Variants in TIAM1 observed in about 807,000 individuals in gnomAD.
TIAM1 encodes TIAM Rac1 associated GEF 1.
TIAM1 carries 65 observed loss-of-function variants against 163.5 expected under a neutral mutation model. The ratio of observed to expected loss-of-function variants is 0.40; its 90% CI spans 0.33 to 0.49. TIAM1 has a LOEUF of 0.49. Among genes scored for constraint, TIAM1 ranks in the 20% least tolerant of loss-of-function variants. The pLI is 0.77. For missense variants in TIAM1, 1,789 were observed against 2,044.7 expected (o/e 0.87, Z 2.41); for synonymous variants, 833 against 810.1 (o/e 1.03, Z -0.48).
chr21:31,549,581 T>A lies in TIAM1; in HGVS notation c.-422+9346A>T, dbSNP rs555080699. 2.6e-4 allele frequency among the ~76,000 whole-genome samples: 39 copies of A among 152,316 alleles called. No individual in the cohort carries two copies. The South Asian group carries it at 5.2e-3, about 20-fold the overall frequency. ...CGATGTTCTGTTCAATGACATTATTTATTGGAGAAATGCATATCAAAACCA... is the reference window on the plus strand; with the variant it reads ...CGATGTTCTGTTCAATGACATTATTAATTGGAGAAATGCATATCAAAACCA... On this transcript the variant is annotated intron_variant, in intron 1 of 28. Coordinates refer to the TIAM1 transcript ENST00000286827.
intron 2 of TIAM1, among the ~76,000 whole-genome samples, chr21:31,306,782 A>G (rs2074728816): frequency 6.6e-6 from 1 of 152,212 alleles, no homozygotes; most frequent in Non-Finnish European, 1.5e-5. Context: ...GAAGGAGTCT[A>G]AAGACACGAG....
At chr21:31,308,013 A>C (rs573765985) in intron 2 of TIAM1, among the ~76,000 whole-genome samples, 1 of 152,304 alleles carries the variant, frequency 6.6e-6, no homozygotes, top group African/African-American at 2.4e-5. Flanking sequence ...CAGGCAGATC[A>C]CTTGAGAAAC....
intron 23 of TIAM1, 45 bp downstream of exon 23, chr21:31,135,888 A>C (rs138908497): frequency 1.3e-6 from 2 of 1,544,376 alleles, no homozygotes; most frequent in Non-Finnish European, 1.8e-6. Context: ...TTTGAAAACT[A>C]AGCTAGACTT....
intron 2 of TIAM1, among the ~76,000 whole-genome samples, chr21:31,277,140 T>C (rs566353291): frequency 6.6e-6 from 1 of 152,224 alleles, no homozygotes; most frequent in South Asian, 2.1e-4. Context: ...GCATTCTAAC[T>C]CACGGGATGA....
intron 2 of TIAM1, among the ~76,000 whole-genome samples, chr21:31,297,452 T>C (rs1031426224): frequency 6.6e-6 from 1 of 152,222 alleles, no homozygotes; most frequent in Non-Finnish European, 1.5e-5. Flanking sequence ...TGGAGTGCAA[T>C]GGCGAGATCT....
rs935183434 is a variant in TIAM1 at position 31,155,898 on chromosome 21, T to C, written c.2992-1472A>G. 2.6e-5 allele frequency among the ~76,000 whole-genome samples: 4 copies of C among 152,168 alleles called. No homozygotes were observed. In the South Asian group the frequency reaches 6.2e-4, roughly 24 times the overall value. ...CTAGGCACAAAGCATTTCCAGTAAA[T>C]ACCGGTGCAAATAAAGAATAACTTC... is the stretch of plus-strand genomic sequence containing the variant. On this transcript the variant is annotated intron_variant, in intron 16 of 27. Transcript: ENST00000541036.
At chr21:31,137,242 T>C in intron 22 of TIAM1, among the ~76,000 whole-genome samples, 1 of 152,250 alleles carries the variant, frequency 6.6e-6, no homozygotes, top group South Asian at 2.1e-4. Context: ...CAAAACAGGC[T>C]ACCGTGCTGA....
chr21:31,324,176 G>A (rs552718726), intron 2 of TIAM1, among the ~76,000 whole-genome samples: 4 of 152,172 alleles, frequency 2.6e-5, no homozygotes, highest in South Asian at 2.1e-4. Flanking sequence ...CTGCGTGCGT[G>A]GAAAAGTTTA....
intron 12 of TIAM1, among the ~76,000 whole-genome samples, chr21:31,196,801 T>C (rs141880851): frequency 1.2e-4 from 19 of 152,316 alleles, no homozygotes; most frequent in East Asian, 9.6e-4. Flanking sequence ...TGTATGTTCA[T>C]TGCAGCACTA....
intron 1 of TIAM1, among the ~76,000 whole-genome samples, chr21:31,555,871 G>C (rs2048859020): frequency 6.6e-6 from 1 of 152,138 alleles, no homozygotes; most frequent in African/African-American, 2.4e-5. Flanking sequence ...CAGGGCTCCA[G>C]GGTTTCAGTC....
At chr21:31,453,519 C>T (rs1299405633) in intron 2 of TIAM1, among the ~76,000 whole-genome samples, 1 of 151,950 alleles carries the variant, frequency 6.6e-6, no homozygotes, top group Non-Finnish European at 1.5e-5. Flanking sequence ...CATGGCGAAA[C>T]TCCATGTCTA....
chr21:31,210,605 G>GAAA (rs2086708464), intron 10 of TIAM1, among the ~76,000 whole-genome samples: 1 of 56,904 alleles, frequency 1.8e-5, no homozygotes, highest in African/African-American at 7.5e-5. Flanking sequence ...AGAGAAAGAA[G>GAAA]GAAGGAAGGG....
intron 6 of TIAM1, among the ~76,000 whole-genome samples, chr21:31,236,480 T>C (rs2088772154): frequency 6.6e-6 from 1 of 151,930 alleles, no homozygotes. Flanking sequence ...CAGCTTGTCA[T>C]ATCAGTGGAT....
At position 31,141,742 on chromosome 21, in the gene TIAM1, G is replaced by A. The variant is rs372776691; in HGVS notation, c.3476-238C>T. Among the ~76,000 whole-genome samples the A allele has an allele frequency of 3.8e-4, 58 of 152,158 alleles. No individual in the cohort carries two copies. Among genetic ancestry groups the A allele is most frequent in the African/African-American group, 1.3e-3 (54 of 41,500 alleles). ...GAAGCCTGATGAGTTAAAGGATGAC[G>A]GAGTGTAGACTGCAGACACCCGGAT... On this transcript the variant is annotated intron_variant, in intron 20 of 27. Transcript: ENST00000541036. The surrounding 1 kb of genome is among the most constrained non-coding windows in gnomAD (Gnocchi z 4.7).
At chr21:31,218,984 C>T (rs1027424547) in intron 8 of TIAM1, among the ~76,000 whole-genome samples, 1 of 142,982 alleles carries the variant, frequency 7.0e-6, no homozygotes, top group South Asian at 2.2e-4. Context: ...TAAACTCTGT[C>T]GAGGTATTAC....
intron 4 of TIAM1, among the ~76,000 whole-genome samples, chr21:31,265,380 C>G (rs2072701245): frequency 6.6e-6 from 1 of 151,862 alleles, no homozygotes; most frequent in Admixed American, 6.6e-5. Flanking sequence ...CAAGGTCAAA[C>G]AACTAGCTGG....
In TIAM1 at chr21:31,492,165, G is replaced by A. The variant is rs1326603275; in HGVS notation, c.-421-28130C>T. ...AAATGAATCTCAAGACCCCAAAATC[G>A]TTAAGCCAAGGGAGAAGTCAAGCTG... On this transcript the variant is annotated intron_variant, in intron 1 of 28. Coordinates refer to the TIAM1 transcript ENST00000286827. 2.6e-5 allele frequency among the ~76,000 whole-genome samples: 4 copies of A among 152,250 alleles called. No homozygotes were observed. The East Asian group carries it at 5.8e-4, about 22-fold the overall frequency.
rs545373917 is a variant in TIAM1, at chr21:31,210,299, G to A, written c.2218-84C>T. On this transcript the variant is annotated intron_variant, in intron 10 of 27. Transcript: ENST00000541036. The stretch of plus-strand genomic sequence containing the variant: ...TCCCAGACTGCACACAGGAATCACC[G>A]ATTCCCATGAAAACAGCCCAGGGCA... The A allele has an allele frequency of 9.9e-5, 145 of 1,462,140 alleles. No homozygotes were observed. The East Asian group carries it at 3.2e-3, about 32-fold the overall frequency. 90.6% of individuals were successfully genotyped at this position (1,462,140 alleles called of 1,614,324 possible).
intron 1 of TIAM1, among the ~76,000 whole-genome samples, chr21:31,531,900 C>T (rs2047983789): frequency 6.6e-6 from 1 of 151,948 alleles, no homozygotes. Flanking sequence ...GCAGATTGCT[C>T]GAGTCCAGGA....
Sources: allele counts gnomAD v4.1 joint callset (sites outside exome capture counted in the v4.1 genomes callset), GRCh38; gene constraint gnomAD v4.1.1; non-coding constraint Gnocchi (gnomAD v3.1); transcripts MANE v1.5; gene names NCBI Gene and HGNC (gene_info 2026-07-23, HGNC 2026-07-21).